The following COL4A3 variants were observed in gnomAD, a reference collection of about 807,000 sequenced individuals.
The protein encoded by COL4A3 is collagen type IV alpha 3 chain.
COL4A3 carries 135 observed loss-of-function variants against 217.4 expected under a neutral mutation model. That is an observed-to-expected ratio of 0.62 (90% confidence interval 0.54 to 0.72). COL4A3 has a LOEUF of 0.72. COL4A3 is among the 30% of genes least tolerant of loss of function. The probability of loss-of-function intolerance (pLI) is 0.00; values close to 1 mark genes in which losing one functional copy is unlikely to be tolerated. For synonymous variants in COL4A3, 690 were observed against 736.3 expected (o/e 0.94, Z 1.02); for missense variants, 1,868 against 2,119.9 (o/e 0.88, Z 2.33).
At chr2:227,310,296 T>A (rs918092259) in intron 50 of COL4A3, among the ~76,000 whole-genome samples, 6 of 152,190 alleles carry the variant, frequency 3.9e-5, no homozygotes, top group African/African-American at 1.4e-4. Flanking sequence ...TGAGACAGAA[T>A]CTCCCTCTGT....
At chr2:227,219,067 T>G (rs1358222341) in intron 1 of COL4A3, among the ~76,000 whole-genome samples, 3 of 152,000 alleles carry the variant, frequency 2.0e-5, no homozygotes, top group Non-Finnish European at 2.9e-5. Flanking sequence ...CAATCATGGC[T>G]CACTGCAACC....
chr2:227,303,873 C>T lies in COL4A3; in HGVS notation c.3970C>T (p.Pro1324Ser), dbSNP rs2106270052. The change falls in exon 45 of 52, where the codon CCT becomes TCT. Residue 1324 changes from proline (P) to serine (S), a missense_variant. Physicochemically the swap from Pro to Ser is moderately conservative, Grantham distance 74. Around this residue, in one of 2 missense-constraint regions of COL4A3, gnomAD observed 1,503 missense variants for 1,786.1 expected, o/e 0.84. Transcript: ENST00000396578. Reference protein sequence around the residue: ...FPGVKGEKGNPGFLGSIGPPG... With the variant: ...FPGVKGEKGNSGFLGSIGPPG... ...TTTGTTTTTAGGAGAAAAGGGTAAT[C>T]CTGGATTTCTAGGATCCATTGGACC... The T allele has an allele frequency of 6.2e-7, 1 of 1,614,082 alleles. No homozygotes were observed. The highest frequency in any genetic ancestry group is 8.5e-7 in the Non-Finnish European group (1 of 1,179,998).
At chr2:227,168,735 G>T (rs2065365460) in intron 1 of COL4A3, among the ~76,000 whole-genome samples, 1 of 151,754 alleles carries the variant, frequency 6.6e-6, no homozygotes, top group Non-Finnish European at 1.5e-5. Flanking sequence ...TTTAAAAAAA[G>T]TTTCATAGTT....
intron 28 of COL4A3, among the ~76,000 whole-genome samples, chr2:227,278,686 T>C (rs1300044752): frequency 6.6e-6 from 1 of 152,196 alleles, no homozygotes; most frequent in Non-Finnish European, 1.5e-5. Flanking sequence ...CCTGCATTAA[T>C]AAATTACATC....
chr2:227,292,295 T>A (rs1275843134), intron 37 of COL4A3, among the ~76,000 whole-genome samples: 1 of 152,234 alleles, frequency 6.6e-6, no homozygotes, highest in Admixed American at 6.5e-5. Flanking sequence ...GTTTACTACT[T>A]GGAGCACAGA....
chr2:227,209,191 C>A (rs1361148746), intron 1 of COL4A3, among the ~76,000 whole-genome samples: 1 of 152,226 alleles, frequency 6.6e-6, no homozygotes, highest in Non-Finnish European at 1.5e-5. Context: ...CTTGAAAGGT[C>A]ATCCCAGGAT....
rs1041754123 is a variant in COL4A3, at chr2:227,191,529, G to T, written c.87+26716G>T. 6.6e-6 allele frequency among the ~76,000 whole-genome samples: 1 copy of T among 152,100 alleles called. No individual in the cohort carries two copies. Among genetic ancestry groups the T allele is most frequent in the Non-Finnish European group, 1.5e-5 (1 of 68,020 alleles). On this transcript the variant is annotated intron_variant, in intron 1 of 51. Coordinates refer to ENST00000396578, the MANE Select transcript of COL4A3 (RefSeq NM_000091.5). The surrounding 1 kb of genome is among the most constrained non-coding windows in gnomAD (Gnocchi z 6.8). ...GGAGCTCCCCTGTTGGCCATTCCCC[G>T]CATCAAGGATTCAAAGAACCTGCCA...
intron 34 of COL4A3, among the ~76,000 whole-genome samples, chr2:227,286,021 A>C (rs1415875121): frequency 6.6e-6 from 1 of 152,244 alleles, no homozygotes; most frequent in Admixed American, 6.5e-5. Flanking sequence ...ATAACAAGTC[A>C]CTATCCTCTC....
rs1470351645 is a variant in COL4A3 at position 227,202,741 on chromosome 2, AAAAAAAT to A, written c.88-35225_88-35219del. Among the ~76,000 whole-genome samples, 57 of 46,548 alleles carry A rather than the reference AAAAAAAT, an allele frequency of 1.2e-3. 5 individuals carry two copies. The highest frequency in any genetic ancestry group is 4.5e-3 in the South Asian group (6 of 1,342). The allele number at this position is 46,548 out of a possible 152,430, so 30.5% of individuals were successfully genotyped here. A position where few individuals can be genotyped will look rare whatever the true frequency, so the allele number is the denominator to read the frequency against. On this transcript the variant is annotated intron_variant, in intron 1 of 51. Coordinates refer to ENST00000396578, the MANE Select transcript of COL4A3 (RefSeq NM_000091.5). Reference sequence around the variant, plus strand: ...AAGTGCGAGAATCCGTCTCTAAAAAAAAAAAATATATATATATATATATATATATATC... The same window carrying A: ...AAGTGCGAGAATCCGTCTCTAAAAAAATATATATATATATATATATATATC...
At chr2:227,262,639 G>A (rs1220915758) in intron 20 of COL4A3, among the ~76,000 whole-genome samples, 1 of 152,138 alleles carries the variant, frequency 6.6e-6, no homozygotes, top group Non-Finnish European at 1.5e-5. Context: ...ATTTTATTGT[G>A]TGTGTGTGGC....
intron 1 of COL4A3, among the ~76,000 whole-genome samples, chr2:227,207,143 G>A (rs146650350): frequency 9.8e-4 from 149 of 152,202 alleles, no homozygotes; most frequent in African/African-American, 3.5e-3. Context: ...CCCAGAAAAG[G>A]CAACCCTATC....
intron 1 of COL4A3, chr2:227,237,693 C>T (rs1038816928): frequency 4.9e-5 from 16 of 323,972 alleles, no homozygotes; most frequent in African/African-American, 2.6e-4. Context: ...ATGGCAAAAA[C>T]GGCCATTACT....
At position 227,282,372 on chromosome 2, in the gene COL4A3, A is replaced by G; in HGVS notation, c.2496A>G (p.Arg832=). The G allele has an allele frequency of 6.2e-7, 1 of 1,612,252 alleles. No homozygotes were observed. The highest frequency in any genetic ancestry group is 8.5e-7 in the Non-Finnish European group (1 of 1,179,448). The change falls in exon 32 of 52, where the codon AGA becomes AGG. Residue 832 remains arginine, a synonymous_variant. Transcript: ENST00000396578. The surrounding 1 kb of genome is among the most constrained non-coding windows in gnomAD (Gnocchi z 4.4). ...LNGLKGQQGR[R]GKTGPKGDPG... ...TCATTTATTCGTACACAGGCAGAAG[A>G]GGTAAAACGGGGCCAAAGGGAGACC...
At chr2:227,208,777 C>T (rs1429694637) in intron 1 of COL4A3, among the ~76,000 whole-genome samples, 2 of 138,968 alleles carry the variant, frequency 1.4e-5, no homozygotes, top group Non-Finnish European at 3.1e-5. Context: ...CACACACACA[C>T]ACACACACAC....
intron 48 of COL4A3, among the ~76,000 whole-genome samples, chr2:227,308,426 T>C (rs1426589562): frequency 5.9e-5 from 9 of 152,076 alleles, no homozygotes; most frequent in African/African-American, 2.2e-4. Context: ...GCTGTCAAGG[T>C]TTCTCTCAAA....
At position 227,294,619 on chromosome 2, in the gene COL4A3, T is replaced by C; in HGVS notation, c.3418+49T>C. On this transcript the variant is annotated intron_variant, in intron 39 of 51. Coordinates refer to ENST00000396578, the MANE Select transcript of COL4A3 (RefSeq NM_000091.5). Reference sequence around the variant, plus strand: ...TTTCCTTTTCATGTGGGAGACACATTTTCTCCTGAGGTTTGGATTTCTGTA... The same window carrying C: ...TTTCCTTTTCATGTGGGAGACACATCTTCTCCTGAGGTTTGGATTTCTGTA... 1 of 1,318,804 alleles carries C rather than the reference T, an allele frequency of 7.6e-7. No individual in the cohort carries two copies. The highest frequency in any genetic ancestry group is 2.3e-5 in the East Asian group (1 of 43,500). The allele number at this position is 1,318,804 out of a possible 1,614,324, so 81.7% of individuals were successfully genotyped here.
intron 1 of COL4A3, among the ~76,000 whole-genome samples, chr2:227,166,524 C>G (rs919411009): frequency 6.6e-6 from 1 of 152,166 alleles, no homozygotes; most frequent in Non-Finnish European, 1.5e-5. Context: ...TGCTTGGGGA[C>G]CATGCAAACT....
intron 34 of COL4A3, 78 bp downstream of exon 34, chr2:227,284,423 G>A: frequency 6.6e-7 from 1 of 1,524,636 alleles, no homozygotes; most frequent in East Asian, 2.3e-5. Context: ...AATCCGTTTG[G>A]TTGACAAATA....
At chr2:227,190,236 C>A (rs2066181297) in intron 1 of COL4A3, among the ~76,000 whole-genome samples, 1 of 152,240 alleles carries the variant, frequency 6.6e-6, no homozygotes. Flanking sequence ...CCCTCAAGAG[C>A]TGGAGGTAAC....
Sources: allele counts gnomAD v4.1 joint callset (sites outside exome capture counted in the v4.1 genomes callset), GRCh38; gene constraint gnomAD v4.1.1; regional missense constraint gnomAD v4.1.1; non-coding constraint Gnocchi (gnomAD v3.1); transcripts MANE v1.5; gene names NCBI Gene and HGNC (gene_info 2026-07-23, HGNC 2026-07-21).